CLEC16A: variants seen among roughly 807,000 people sequenced by gnomAD.
CLEC16A encodes protein CLEC16A.
Under a neutral mutation model 109.5 loss-of-function variants are expected in CLEC16A, and 51 were observed. That is an observed-to-expected ratio of 0.47 (90% CI 0.37 to 0.59). The LOEUF (loss-of-function observed/expected upper bound fraction) is 0.59, where lower values mean the gene tolerates loss of function less well. CLEC16A is among the 20% of genes least tolerant of loss of function. The pLI is 0.00. For synonymous variants in CLEC16A, 673 were observed against 564.2 expected, an observed-to-expected ratio of 1.19 and a Z score of -2.73; for missense variants, 1,339 against 1,394.0, an observed-to-expected ratio of 0.96 and a Z score of 0.63.
At chr16:11,105,890 G>T (rs1224038794) in intron 19 of CLEC16A, among the ~76,000 whole-genome samples, 1 of 152,168 alleles carries the variant, frequency 6.6e-6, no homozygotes, top group Non-Finnish European at 1.5e-5. Context: ...GTCCTCAGTG[G>T]CCCTGAGTGT....
At position 10,961,632 on chromosome 16, in the gene CLEC16A, A is replaced by ACCT. The variant is rs2042252403; in HGVS notation, c.210-823_210-822insCCT. Among the ~76,000 whole-genome samples, 1 of 152,218 alleles carries ACCT rather than the reference A, an allele frequency of 6.6e-6. No homozygotes were observed. The highest frequency in any genetic ancestry group is 1.5e-5 in the Non-Finnish European group (1 of 68,034). ...ACAGACAAGTATCCTATCCACAAGG[A>ACCT]GAAAGGCAGAAACAGACCTGGGGAT... is the stretch of plus-strand genomic sequence containing the variant. On this transcript the variant is annotated intron_variant, in intron 2 of 23. Coordinates refer to ENST00000409790, the MANE Select transcript of CLEC16A (RefSeq NM_015226.3). This position sits in a 1 kb window ranked among gnomAD's most constrained non-coding sequence, Gnocchi z 4.3.
At chr16:11,122,140 C>T (rs568362287) in intron 20 of CLEC16A, among the ~76,000 whole-genome samples, 1 of 152,284 alleles carries the variant, frequency 6.6e-6, no homozygotes, top group Non-Finnish European at 1.5e-5. Flanking sequence ...TCTGCCTTGC[C>T]GCAGCCTGAC....
chr16:11,026,966 G>A (rs564305194), intron 13 of CLEC16A: 51 of 1,465,990 alleles, frequency 3.5e-5, no homozygotes, highest in African/African-American at 2.1e-4. Context: ...AACAGCGCGC[G>A]TGCTGTCTTT....
chr16:11,009,784 G>A (rs149714709), intron 11 of CLEC16A, among the ~76,000 whole-genome samples: 2 of 152,340 alleles, frequency 1.3e-5, no homozygotes, highest in East Asian at 3.9e-4. Context: ...GCCTTAACAT[G>A]CAGAGTTGAG....
At chr16:10,986,472 G>C (rs2043663193) in intron 10 of CLEC16A, among the ~76,000 whole-genome samples, 1 of 152,154 alleles carries the variant, frequency 6.6e-6, no homozygotes. Context: ...TGAAACTTCA[G>C]AAGTACAATG....
intron 19 of CLEC16A, among the ~76,000 whole-genome samples, chr16:11,076,278 C>T (rs746623642): frequency 2.0e-5 from 3 of 152,188 alleles, no homozygotes; most frequent in African/African-American, 4.8e-5. Flanking sequence ...GAGATTTCCC[C>T]CTTGGGCCAC....
intron 10 of CLEC16A, among the ~76,000 whole-genome samples, chr16:10,984,729 C>G (rs2043524066): frequency 6.6e-6 from 1 of 152,234 alleles, no homozygotes; most frequent in African/African-American, 2.4e-5. Context: ...CTTTCTTAAA[C>G]TAGCGTTTGC....
chr16:11,024,817 C>G lies in CLEC16A; in HGVS notation c.1437-4C>G. On this transcript the variant is annotated splice_region_variant and splice_polypyrimidine_tract_variant and intron_variant, in intron 12 of 23. Transcript: ENST00000409790. ...GGCTCATACATGCCCCTCCTCTTTT[C>G]CAGACCCTTCCTGGATATGGTGTAC... The G allele has an allele frequency of 6.3e-7, 1 of 1,591,390 alleles. No individual in the cohort carries two copies. The highest frequency in any genetic ancestry group is 8.6e-7 in the Non-Finnish European group (1 of 1,168,264).
At position 11,067,210 on chromosome 16, in the gene CLEC16A, T is replaced by A. The variant is rs10445004; in HGVS notation, c.2116+6188T>A. Among the ~76,000 whole-genome samples, 693 of 77,626 alleles carry A rather than the reference T, an allele frequency of 8.9e-3. 6 individuals are homozygous for A. The highest frequency in any genetic ancestry group is 0.067 in the East Asian group (138 of 2,068). 50.9% of individuals were successfully genotyped at this position (77,626 alleles called of 152,430 possible). A position where few individuals can be genotyped will look rare whatever the true frequency, so the allele number is the denominator to read the frequency against. ...TTTTGTTTTTTTTTTTTTTTTTTTT[T>A]AAAAAAAGCAAGTGCAGACCAATTA... is the stretch of plus-strand genomic sequence containing the variant. On this transcript the variant is annotated intron_variant, in intron 19 of 23. Coordinates refer to ENST00000409790, the MANE Select transcript of CLEC16A (RefSeq NM_015226.3).
At chr16:11,047,181 C>T (rs1006540732) in intron 16 of CLEC16A, 111 bp from the exon 17 acceptor site, 1 of 692,968 alleles carries the variant, frequency 1.4e-6, no homozygotes, top group Non-Finnish European at 2.2e-6. Flanking sequence ...CGAGAACTCA[C>T]TAATGAGAAA....
At chr16:11,067,800 G>A (rs1016659126) in intron 19 of CLEC16A, among the ~76,000 whole-genome samples, 10 of 152,314 alleles carry the variant, frequency 6.6e-5, no homozygotes, top group African/African-American at 1.9e-4. Context: ...ACCAGGCTCG[G>A]ACAGTCTGGT....
In CLEC16A at chr16:10,961,190, C is replaced by G. The variant is rs2042235061; in HGVS notation, c.210-1265C>G. Among the ~76,000 whole-genome samples, 1 of 152,132 alleles carries G rather than the reference C, an allele frequency of 6.6e-6. No homozygotes were observed. Reference sequence around the variant, plus strand: ...TGAACTGAAGGTAGACAAAAATAGGCCAAATGACAGAAATACTCTGGAGGT... The same window carrying G: ...TGAACTGAAGGTAGACAAAAATAGGGCAAATGACAGAAATACTCTGGAGGT... On this transcript the variant is annotated intron_variant, in intron 2 of 23. Coordinates refer to ENST00000409790, the MANE Select transcript of CLEC16A (RefSeq NM_015226.3). The surrounding 1 kb of genome is among the most constrained non-coding windows in gnomAD (Gnocchi z 4.3).
At chr16:11,024,578 G>A (rs994583399) in intron 12 of CLEC16A, 5 of 430,558 alleles carry the variant, frequency 1.2e-5, no homozygotes, top group African/African-American at 8.0e-5. Flanking sequence ...CCTGGTGAAT[G>A]ATTGTTGTGT....
chr16:11,036,544 C>CTTTTTTTTTTTTTTTTTTTTTT (rs71404440), intron 13 of CLEC16A, among the ~76,000 whole-genome samples: 6 of 131,950 alleles, frequency 4.5e-5, no homozygotes, highest in African/African-American at 1.8e-4. Context: ...TCTAATTTTC[C>CTTTTTTTTTTTTTTTTTTTTTT]TTTTTTTTTT....
intron 17 of CLEC16A, among the ~76,000 whole-genome samples, chr16:11,049,737 T>A (rs1422797360): frequency 6.6e-6 from 1 of 152,110 alleles, no homozygotes; most frequent in Non-Finnish European, 1.5e-5. Flanking sequence ...ATGCAAAAGG[T>A]TCAGTGAGGT....
intron 19 of CLEC16A, among the ~76,000 whole-genome samples, chr16:11,072,154 T>G (rs557427504): frequency 6.6e-6 from 1 of 152,112 alleles, no homozygotes; most frequent in African/African-American, 2.4e-5. Context: ...CGGGATCTCG[T>G]TCTGTCCCCC....
At chr16:11,063,760 G>A (rs1180130047) in intron 19 of CLEC16A, among the ~76,000 whole-genome samples, 2 of 152,182 alleles carry the variant, frequency 1.3e-5, no homozygotes, top group South Asian at 2.1e-4. Context: ...GAGCATTAAA[G>A]ATGTGGTCAC....
At chr16:10,948,902 A>G (rs2041575987) in intron 1 of CLEC16A, among the ~76,000 whole-genome samples, 1 of 152,120 alleles carries the variant, frequency 6.6e-6, no homozygotes. Flanking sequence ...TCTTTTCTCA[A>G]TATTGCCAGC....
At chr16:11,011,037 G>A (rs1237989874) in intron 11 of CLEC16A, among the ~76,000 whole-genome samples, 1 of 152,148 alleles carries the variant, frequency 6.6e-6, no homozygotes, top group East Asian at 1.9e-4. Flanking sequence ...TGTCCCTCTT[G>A]GGTGATGTTC....
Sources: gnomAD v4.1 joint callset for allele counts (sites outside exome capture counted in the v4.1 genomes callset) on GRCh38, gnomAD v4.1.1 for gene constraint, Gnocchi (gnomAD v3.1) non-coding constraint, MANE v1.5 for transcripts, NCBI Gene and HGNC (gene_info 2026-07-23, HGNC 2026-07-21) for gene names.